The following CLPX variants were observed in gnomAD, a reference collection of about 807,000 sequenced individuals.
CLPX encodes caseinolytic mitochondrial matrix peptidase chaperone subunit X.
CLPX carries 34 observed loss-of-function variants against 76.4 expected under a neutral mutation model. The observed-to-expected ratio is 0.45, with a 90% CI of 0.34 to 0.59. The LOEUF (loss-of-function observed/expected upper bound fraction) is 0.59. CLPX is among the 20% of genes least tolerant of loss of function. The pLI, the probability that CLPX is intolerant of heterozygous loss-of-function variation, is 0.01. For synonymous variants in CLPX, 248 were observed against 270.9 expected (o/e 0.92, Z 0.83); for missense variants, 613 against 757.0 (o/e 0.81, Z 2.23).
At chr15:65,156,988 C>A (rs889942552) in intron 8 of CLPX, 56 bp from the exon 9 acceptor site, 18 of 1,178,110 alleles carry the variant, frequency 1.5e-5, no homozygotes, top group Non-Finnish European at 2.1e-5. Context: ...ACAAGATAGC[C>A]TCAGCTTTAA....
At position 65,179,042 on chromosome 15, in the gene CLPX, T is replaced by C. The variant is rs752702557; in HGVS notation, c.250A>G (p.Ser84Gly). Reference sequence around the variant, plus strand: ...CCTGATTTCTTACTACTTCCCTCACTTGCTGATTTCTAACGTTTATGAAGG... The same window carrying C: ...CCTGATTTCTTACTACTTCCCTCACCTGCTGATTTCTAACGTTTATGAAGG... ...GSGDGNKKSASEGSSKKSGSG... is the reference protein window; with the variant it reads ...GSGDGNKKSAGEGSSKKSGSG... The change falls in exon 3 of 14, where the codon AGT (serine) becomes GGT (glycine). Residue 84 changes from serine to glycine, a missense_variant. Transcript: ENST00000300107. 9 of 1,606,062 alleles carry C rather than the reference T, an allele frequency of 5.6e-6. No homozygotes were observed. The highest frequency in any genetic ancestry group is 6.8e-6 in the Non-Finnish European group (8 of 1,173,822).
At chr15:65,158,458 T>C (rs2087816747) in intron 7 of CLPX, 117 bp downstream of exon 7, 1 of 807,386 alleles carries the variant, frequency 1.2e-6, no homozygotes, top group Admixed American at 2.6e-5. Flanking sequence ...TCTAGATGAC[T>C]GGCCTTAGAT....
intron 11 of CLPX, among the ~76,000 whole-genome samples, chr15:65,154,479 TA>T (rs1338029510): frequency 1.3e-5 from 2 of 152,200 alleles, no homozygotes; most frequent in Admixed American, 1.3e-4. Flanking sequence ...CAAAAGCATT[TA>T]GAATACCAAG....
At chr15:65,155,142 T>C in intron 10 of CLPX, 61 bp from the exon 11 acceptor site, 1 of 1,339,350 alleles carries the variant, frequency 7.5e-7, no homozygotes, top group Non-Finnish European at 1.0e-6. Flanking sequence ...TATTAAGTAC[T>C]TTTCCTACAT....
At chr15:65,173,191 G>A (rs1283858138) in intron 3 of CLPX, among the ~76,000 whole-genome samples, 1 of 152,008 alleles carries the variant, frequency 6.6e-6, no homozygotes, top group East Asian at 1.9e-4. Flanking sequence ...CCAACATAGT[G>A]AAATCTTGTC....
Position 65,154,752 on chromosome 15 carries a change from A to T in CLPX, c.1611+30T>A, listed in dbSNP as rs549829738. 9 of 1,526,110 alleles carry T rather than the reference A, an allele frequency of 5.9e-6. No individual in the cohort carries two copies. The African/African-American group carries it at 9.8e-5, about 17-fold the overall frequency. The allele number at this position is 1,526,110 out of a possible 1,614,324, so 94.5% of individuals were successfully genotyped here. On this transcript the variant is annotated intron_variant, in intron 11 of 13. Transcript: ENST00000300107. ...AATTTCAATAGCAAGAAAATAAAAA[A>T]TAACTAAGTACAAAAAATAAAAATC... is the stretch of plus-strand genomic sequence containing the variant.
chr15:65,170,751 C>G (rs1018421414), intron 3 of CLPX, among the ~76,000 whole-genome samples: 4 of 151,016 alleles, frequency 2.6e-5, no homozygotes, highest in African/African-American at 9.7e-5. Context: ...GCCTAGGCAA[C>G]AGAACTCTGT....
chr15:65,179,919 G>A, intron 2 of CLPX, 125 bp downstream of exon 2: 1 of 557,642 alleles, frequency 1.8e-6, no homozygotes, highest in Non-Finnish European at 2.9e-6. Context: ...AAATTATTCA[G>A]ATCATTTTAG....
At chr15:65,152,727 C>G (rs2140609562) in intron 12 of CLPX, among the ~76,000 whole-genome samples, 191 bp from the exon 13 acceptor site, 1 of 149,606 alleles carries the variant, frequency 6.7e-6, no homozygotes, top group Non-Finnish European at 1.5e-5. Context: ...GGGATTATAG[C>G]TGTGATTACA....
At chr15:65,162,558 T>C in intron 6 of CLPX, 46 bp downstream of exon 6, 1 of 1,319,892 alleles carries the variant, frequency 7.6e-7, no homozygotes, top group Admixed American at 1.8e-5. Flanking sequence ...CTGAAATAAA[T>C]GTCAAAAGGA....
In CLPX at chr15:65,152,508, T is replaced by G; in HGVS notation, c.1733A>C (p.Glu578Ala). 6.5e-7 allele frequency: 1 copy of G among 1,538,774 alleles called. No individual in the cohort carries two copies. Among genetic ancestry groups the G allele is most frequent in the Non-Finnish European group, 8.7e-7 (1 of 1,143,452 alleles). The change falls in exon 13 of 14, where the codon GAA becomes GCA. Residue 578 changes from glutamate (E) to alanine (A), a missense_variant. Glu to Ala is a moderately radical substitution (Grantham distance 107). This residue lies in a region of CLPX where 450 missense variants were observed against 638.6 expected (regional missense o/e 0.70). Coordinates refer to ENST00000300107, the MANE Select transcript of CLPX (RefSeq NM_006660.5). ...ACATACGATATCAGAATTAGGGACT[T>G]CAAACATTGGTTCTAGTAACAGCTT... The part of the protein sequence containing the change: ...MEKLLLEPMF[E>A]VPNSDIVCVE...
chr15:65,175,326 A>C (rs990276020), intron 3 of CLPX, among the ~76,000 whole-genome samples: 2 of 152,118 alleles, frequency 1.3e-5, no homozygotes, highest in East Asian at 3.9e-4. Flanking sequence ...TCTCTACTAA[A>C]AATACAAAAA....
intron 1 of CLPX, among the ~76,000 whole-genome samples, chr15:65,183,635 A>T (rs532746058): frequency 1.3e-4 from 20 of 152,058 alleles, no homozygotes; most frequent in Non-Finnish European, 2.4e-4. Flanking sequence ...AAAAAAAATA[A>T]CTGCCTATCT....
intron 3 of CLPX, among the ~76,000 whole-genome samples, chr15:65,174,914 G>A (rs1417743633): frequency 1.3e-5 from 2 of 152,060 alleles, no homozygotes; most frequent in Admixed American, 1.3e-4. Context: ...GCTGCGTACT[G>A]AAAACAAGCA....
At chr15:65,160,183 G>GA (rs1438689870) in intron 6 of CLPX, among the ~76,000 whole-genome samples, 3 of 152,146 alleles carry the variant, frequency 2.0e-5, no homozygotes, top group African/African-American at 7.2e-5. Flanking sequence ...TAAACTGATA[G>GA]AATAATAGTT....
intron 9 of CLPX, among the ~76,000 whole-genome samples, chr15:65,156,317 G>A (rs985247908): frequency 6.6e-6 from 1 of 152,136 alleles, no homozygotes; most frequent in Non-Finnish European, 1.5e-5. Context: ...CAGCACGTAA[G>A]TGTGATTATA....
intron 1 of CLPX, among the ~76,000 whole-genome samples, chr15:65,182,489 A>C (rs189973205): frequency 6.2e-4 from 95 of 152,350 alleles, no homozygotes; most frequent in Non-Finnish European, 1.1e-3. Context: ...AAGTAGCAAA[A>C]AGTATGGACA....
intron 6 of CLPX, among the ~76,000 whole-genome samples, chr15:65,161,375 G>C (rs1480155869): frequency 1.3e-5 from 2 of 150,902 alleles, no homozygotes; most frequent in African/African-American, 5.0e-5. Context: ...CCCTAGACCA[G>C]TGTTAGGGTC....
intron 11 of CLPX, chr15:65,154,559 G>A (rs1019970753): frequency 1.1e-5 from 5 of 465,342 alleles, no homozygotes; most frequent in Admixed American, 3.8e-5. Context: ...ATTTTTCTTG[G>A]GCTTTAGGCT....
Sources: allele counts gnomAD v4.1 joint callset (sites outside exome capture counted in the v4.1 genomes callset), GRCh38; gene constraint gnomAD v4.1.1; regional missense constraint gnomAD v4.1.1; transcripts MANE v1.5; gene names NCBI Gene and HGNC (gene_info 2026-07-23, HGNC 2026-07-21).